The following SLC36A1 variants were observed in gnomAD, a reference collection of about 807,000 sequenced individuals.
SLC36A1 encodes proton-coupled amino acid transporter 1.
A neutral mutation model predicts 47.5 loss-of-function variants in SLC36A1; 30 were observed. The ratio of observed to expected loss-of-function variants is 0.63; its 90% confidence interval spans 0.47 to 0.86. The LOEUF is 0.86. Ranked by LOEUF, SLC36A1 falls within the 40% of genes least tolerant of loss-of-function variation. The pLI is 0.00. For synonymous variants in SLC36A1, 255 were observed against 249.7 expected (o/e 1.02, Z -0.20); for missense variants, 517 against 606.0 (o/e 0.85, Z 1.54).
chr5:151,488,061 T>G lies in SLC36A1; in HGVS notation c.1238T>G (p.Leu413Arg). ...VGSVSSSALA[L>R]IIPPLLEVTT... ...TCCGTGAGCAGCAGCGCCCTGGCCC[T>G]CATCATCCCACCGCTCCTGGAGGTC... Residue 413 changes from leucine to arginine, a missense_variant, in exon 11 of 11, where the codon CTC becomes CGC. Leu to Arg is a moderately radical substitution (Grantham distance 102). Transcript: ENST00000243389. 6.2e-7 allele frequency: 1 copy of G among 1,614,084 alleles called. No homozygotes were observed. The highest frequency in any genetic ancestry group is 8.5e-7 in the Non-Finnish European group (1 of 1,180,004).
chr5:151,405,505 C>T, the SLC36A1 span, among the ~76,000 whole-genome samples: 6 of 152,032 alleles, frequency 3.9e-5, no homozygotes, highest in Non-Finnish European at 8.8e-5. Flanking sequence ...TGAGCCACTG[C>T]ACCCAACACC....
chr5:151,514,216 C>T, the SLC36A1 span, among the ~76,000 whole-genome samples: 1 of 152,150 alleles, frequency 6.6e-6, no homozygotes, highest in Non-Finnish European at 1.5e-5. Flanking sequence ...AACACACTTG[C>T]CTTTAAGAAA....
chr5:151,494,369 G>A (rs1453510993), downstream of SLC36A1, among the ~76,000 whole-genome samples: 2 of 152,016 alleles, frequency 1.3e-5, no homozygotes, highest in Non-Finnish European at 2.9e-5. Flanking sequence ...AATGTGTTTT[G>A]CATACAGTCA....
the SLC36A1 span, chr5:151,505,290 G>C: frequency 5.9e-6 from 3 of 507,914 alleles, no homozygotes; most frequent in South Asian, 5.2e-5. Context: ...CGCCCACCCC[G>C]GGAGTCAATT....
chr5:151,546,259 T>C, the SLC36A1 span: 476 of 1,614,162 alleles, frequency 2.9e-4, no homozygotes, highest in Admixed American at 2.5e-3. Flanking sequence ...ATGTGGGGCA[T>C]GATTTGCCTG....
chr5:151,527,413 G>A, the SLC36A1 span: 3 of 1,546,980 alleles, frequency 1.9e-6, no homozygotes, highest in Non-Finnish European at 2.6e-6. Context: ...TAGCAATGAG[G>A]TAGCTGTCCC....
intron 2 of SLC36A1, among the ~76,000 whole-genome samples, chr5:151,459,533 A>T (rs1399643753): frequency 6.6e-6 from 1 of 152,242 alleles, no homozygotes; most frequent in Non-Finnish European, 1.5e-5. Context: ...TGAGGACTCC[A>T]CCACAAAGCT....
At chr5:151,486,743 G>C (rs1759617383) in intron 10 of SLC36A1, among the ~76,000 whole-genome samples, 1 of 152,210 alleles carries the variant, frequency 6.6e-6, no homozygotes, top group African/African-American at 2.4e-5. Context: ...CTGGATGTCT[G>C]TATCAAGGCT....
the SLC36A1 span, among the ~76,000 whole-genome samples, chr5:151,548,203 T>C: frequency 2.0e-5 from 3 of 152,180 alleles, no homozygotes; most frequent in Middle Eastern, 3.2e-3. Context: ...GCTACTGACA[T>C]GCAATAAATG....
At position 151,447,644 on chromosome 5, in the gene SLC36A1, A is replaced by T. The variant is rs1376477253; in HGVS notation, c.-175A>T. ...TGCCGGGCAGCAAAGGAGGATGGCGAGGGGCTGATACTGAACCCGGGAAGG... is the reference window on the plus strand; with the variant it reads ...TGCCGGGCAGCAAAGGAGGATGGCGTGGGGCTGATACTGAACCCGGGAAGG... On this transcript the variant is annotated 5_prime_UTR_variant, in exon 1 of 11. Coordinates refer to ENST00000243389, the MANE Select transcript of SLC36A1 (RefSeq NM_078483.4). 1 of 152,756 alleles carries T rather than the reference A, an allele frequency of 6.5e-6. No individual in the cohort carries two copies. The highest frequency in any genetic ancestry group is 1.5e-5 in the Non-Finnish European group (1 of 68,512). The allele number at this position is 152,756 out of a possible 1,614,324, so 9.5% of individuals were successfully genotyped here.
At chr5:151,528,107 G>A in the SLC36A1 span, 51 of 1,613,976 alleles carry the variant, frequency 3.2e-5, no homozygotes, top group Non-Finnish European at 3.8e-5. Context: ...CACTATTTAG[G>A]GGTCCATCTT....
At chr5:151,499,786 A>G in the SLC36A1 span, among the ~76,000 whole-genome samples, 1 of 151,988 alleles carries the variant, frequency 6.6e-6, no homozygotes, top group Non-Finnish European at 1.5e-5. Flanking sequence ...TCGTTTCCCA[A>G]TTCTCCTGTT....
At chr5:151,472,846 A>G (rs1757504473) in intron 7 of SLC36A1, among the ~76,000 whole-genome samples, 1 of 152,144 alleles carries the variant, frequency 6.6e-6, no homozygotes, top group African/African-American at 2.4e-5. Context: ...TTCATGTTCT[A>G]CTTAGTTATC....
At chr5:151,485,652 T>C (rs1055264834) in intron 10 of SLC36A1, among the ~76,000 whole-genome samples, 1 of 152,208 alleles carries the variant, frequency 6.6e-6, no homozygotes, top group African/African-American at 2.4e-5. Context: ...TCCTGTCGTT[T>C]ACACCCTCTG....
chr5:151,540,184 G>A, the SLC36A1 span, among the ~76,000 whole-genome samples: 1 of 152,230 alleles, frequency 6.6e-6, no homozygotes, highest in Non-Finnish European at 1.5e-5. Flanking sequence ...GGGGAGAGAT[G>A]TGGGCCATGA....
chr5:151,527,936 G>T, the SLC36A1 span: 1 of 1,580,758 alleles, frequency 6.3e-7, no homozygotes, highest in Non-Finnish European at 8.6e-7. Context: ...TTCTGGACCT[G>T]CAGTGGGACT....
the SLC36A1 span, chr5:151,382,351 T>C: frequency 3.8e-6 from 3 of 797,552 alleles, no homozygotes; most frequent in Non-Finnish European, 6.4e-6. Flanking sequence ...GATCTGGCCA[T>C]GCGCCAGCTC....
At chr5:151,393,677 G>C in the SLC36A1 span, among the ~76,000 whole-genome samples, 4 of 152,046 alleles carry the variant, frequency 2.6e-5, no homozygotes, top group African/African-American at 4.8e-5. Flanking sequence ...AGTTTGGCTG[G>C]ATATGAAATT....
At chr5:151,529,471 C>A in the SLC36A1 span, 1 of 1,239,874 alleles carries the variant, frequency 8.1e-7, no homozygotes, top group Non-Finnish European at 1.2e-6. Context: ...GAGCCCAGCC[C>A]TAGGAGAGGC....
Sources: gnomAD v4.1 joint callset for allele counts (sites outside exome capture counted in the v4.1 genomes callset) on GRCh38, gnomAD v4.1.1 for gene constraint, MANE v1.5 for transcripts, NCBI Gene and HGNC (gene_info 2026-07-23, HGNC 2026-07-21) for gene names.